GLS: variants seen among roughly 807,000 people sequenced by gnomAD.
GLS encodes the protein glutaminase, also known as glutaminase kidney isoform, mitochondrial.
A neutral mutation model predicts 86.7 loss-of-function variants in GLS; 36 were observed. That is an observed-to-expected ratio of 0.42 (90% CI 0.32 to 0.55). The LOEUF (loss-of-function observed/expected upper bound fraction) is 0.55. Ranked by LOEUF, GLS falls within the 20% of genes least tolerant of loss-of-function variation. The pLI, the probability that GLS is intolerant of heterozygous loss-of-function variation, is 0.17. For missense variants in GLS, 528 were observed against 833.4 expected (o/e 0.63, Z 4.51); for synonymous variants, 317 against 305.9 (o/e 1.04, Z -0.38).
In GLS at chr2:190,962,683, C is replaced by CA; in HGVS notation, c.1854-146dup. 1 of 433,834 alleles carries CA rather than the reference C, an allele frequency of 2.3e-6. No homozygotes were observed. The highest frequency in any genetic ancestry group is 4.0e-6 in the Non-Finnish European group (1 of 249,624). The allele number at this position is 433,834 out of a possible 1,614,324, so 26.9% of individuals were successfully genotyped here. The stretch of plus-strand genomic sequence containing the variant: ...TTTTTGAATTATAAATCCCTTTCTG[C>CA]ATTTCTATTATTAATTTTTATTTGT... On this transcript the variant is annotated intron_variant, in intron 17 of 17. Transcript: ENST00000320717. The surrounding 1 kb of genome is among the most constrained non-coding windows in gnomAD (Gnocchi z 4.2).
chr2:190,887,768 GA>G (rs1688435828), intron 1 of GLS, among the ~76,000 whole-genome samples: 1 of 152,104 alleles, frequency 6.6e-6, no homozygotes, highest in Non-Finnish European at 1.5e-5. Context: ...GCATACTAGA[GA>G]AAAATGGAGA....
At chr2:190,933,925 TA>T (rs1690189714) in intron 14 of GLS, 1 of 918,224 alleles carries the variant, frequency 1.1e-6, no homozygotes, top group Non-Finnish European at 1.3e-6. Flanking sequence ...TTATTTGGTA[TA>T]AAAATGCAAT....
In GLS at chr2:190,955,167, C is replaced by T. The variant is rs1438447261; in HGVS notation, c.1853+349C>T. On this transcript the variant is annotated intron_variant, in intron 17 of 17. Transcript: ENST00000320717. The surrounding 1 kb of genome is among the most constrained non-coding windows in gnomAD (Gnocchi z 5.6). ...AAATTACACTTTAAGTTCTGGGATACATGTGCAGAACATGCAGGTTTGTTA... is the reference window on the plus strand; with the variant it reads ...AAATTACACTTTAAGTTCTGGGATATATGTGCAGAACATGCAGGTTTGTTA... Among the ~76,000 whole-genome samples, 1 of 152,078 alleles carries T rather than the reference C, an allele frequency of 6.6e-6. No individual in the cohort carries two copies. Among genetic ancestry groups the T allele is most frequent in the Non-Finnish European group, 1.5e-5 (1 of 68,014 alleles).
chr2:190,925,794 T>C (rs1453600581), intron 11 of GLS, among the ~76,000 whole-genome samples: 1 of 152,218 alleles, frequency 6.6e-6, no homozygotes, highest in Non-Finnish European at 1.5e-5. Context: ...ATTTAAGGTC[T>C]AGCCTGGCCA....
chr2:190,942,295 T>A (rs1349511077), intron 14 of GLS, among the ~76,000 whole-genome samples: 1 of 151,906 alleles, frequency 6.6e-6, no homozygotes, highest in African/African-American at 2.4e-5. Flanking sequence ...TTAGCCAAGA[T>A]GGTCTCGATC....
At chr2:190,916,199 A>T (rs1197226501) in intron 7 of GLS, among the ~76,000 whole-genome samples, 1 of 152,226 alleles carries the variant, frequency 6.6e-6, no homozygotes, top group Non-Finnish European at 1.5e-5. Flanking sequence ...ACAAATTAGT[A>T]TGGGAAATTA....
In GLS at chr2:190,960,087, C is replaced by G. The variant is rs188370260; in HGVS notation, c.1854-2743C>G. ...TTCATCCTGCAACAAATGATGTCAA[C>G]AAAGTGGTCAGGGAAGGGATAAGAA... On this transcript the variant is annotated intron_variant, in intron 17 of 17. Coordinates refer to ENST00000320717, the MANE Select transcript of GLS (RefSeq NM_014905.5). Among the ~76,000 whole-genome samples the G allele has an allele frequency of 1.3e-3, 203 of 152,156 alleles. 2 individuals carry two copies. The highest frequency in any genetic ancestry group is 4.4e-3 in the African/African-American group (182 of 41,466).
In GLS at chr2:190,949,747, A is replaced by G. The variant is rs1452356496; in HGVS notation, c.1651-3818A>G. On this transcript the variant is annotated intron_variant, in intron 14 of 17. Coordinates refer to ENST00000320717, the MANE Select transcript of GLS (RefSeq NM_014905.5). This position sits in a 1 kb window ranked among gnomAD's most constrained non-coding sequence, Gnocchi z 4.0. Reference sequence around the variant, plus strand: ...ATAGAGGAATTAATTTTGCAATTTAATACCCAAAATTGAATATTTGATGCC... The same window carrying G: ...ATAGAGGAATTAATTTTGCAATTTAGTACCCAAAATTGAATATTTGATGCC... 6.6e-6 allele frequency among the ~76,000 whole-genome samples: 1 copy of G among 152,048 alleles called. No homozygotes were observed. Among genetic ancestry groups the G allele is most frequent in the Non-Finnish European group, 1.5e-5 (1 of 67,980 alleles).
intron 14 of GLS, among the ~76,000 whole-genome samples, chr2:190,942,067 C>CTT (rs3036653): frequency 0.016 from 614 of 37,982 alleles, 191 homozygotes; most frequent in Middle Eastern, 0.088. Context: ...ACTTTGAAGA[C>CTT]TTTTTTTTTT....
chr2:190,885,993 C>T (rs1688367493), intron 1 of GLS, among the ~76,000 whole-genome samples: 1 of 151,918 alleles, frequency 6.6e-6, no homozygotes, highest in South Asian at 2.1e-4. Context: ...CTGCCTCAGC[C>T]CCCCATGTAG....
chr2:190,941,993 C>G (rs984212169), intron 14 of GLS, among the ~76,000 whole-genome samples: 1 of 143,468 alleles, frequency 7.0e-6, no homozygotes, highest in Non-Finnish European at 1.5e-5. Context: ...GTTTGGGAGA[C>G]ATTTCTGAAA....
chr2:190,915,375 A>C (rs987250505), intron 7 of GLS, among the ~76,000 whole-genome samples: 2 of 152,126 alleles, frequency 1.3e-5, no homozygotes, highest in Non-Finnish European at 2.9e-5. Context: ...TTTTTTAAAA[A>C]TCATTTGGTG....
Position 190,930,353 on chromosome 2 carries a change from C to CA in GLS, c.1426-83dup. 1 of 1,033,704 alleles carries CA rather than the reference C, an allele frequency of 9.7e-7. No individual in the cohort carries two copies. The highest frequency in any genetic ancestry group is 1.5e-6 in the Non-Finnish European group (1 of 669,554). 64.0% of individuals were successfully genotyped at this position (1,033,704 alleles called of 1,614,324 possible). On this transcript the variant is annotated intron_variant, in intron 12 of 17. Coordinates refer to ENST00000320717, the MANE Select transcript of GLS (RefSeq NM_014905.5). This position sits in a 1 kb window ranked among gnomAD's most constrained non-coding sequence, Gnocchi z 5.0. ...GATTACAGGAGTGAGCCATGGTGCC[C>CA]AGCCCCAGTTTCCCTATTGTTGAAC...
chr2:190,898,508 A>G (rs897447370), intron 3 of GLS, among the ~76,000 whole-genome samples: 2 of 152,228 alleles, frequency 1.3e-5, no homozygotes, highest in East Asian at 3.8e-4. Flanking sequence ...CTCTCCTGAG[A>G]GGCAAAATTG....
At chr2:190,925,181 G>A (rs17748089) in intron 11 of GLS, among the ~76,000 whole-genome samples, 7,241 of 152,122 alleles carry the variant, frequency 0.048, 260 homozygotes, top group Non-Finnish European at 0.078. Flanking sequence ...TAAATTTTTC[G>A]TAGCTTTTAC....
chr2:190,895,423 A>G lies in GLS; in HGVS notation c.483+175A>G, dbSNP rs1688698785. 1.8e-6 allele frequency: 1 copy of G among 555,070 alleles called. No individual in the cohort carries two copies. The highest frequency in any genetic ancestry group is 3.1e-6 in the Non-Finnish European group (1 of 317,756). The allele number at this position is 555,070 out of a possible 1,614,324, so 34.4% of individuals were successfully genotyped here. ...CTCATTTCAAGGTAATCAGTGAAAG[A>G]AAAAGAAAGAAACAATGAGAAACTT... On this transcript the variant is annotated intron_variant, in intron 2 of 17. Transcript: ENST00000320717. The surrounding 1 kb of genome is among the most constrained non-coding windows in gnomAD (Gnocchi z 4.2).
In GLS at chr2:190,881,438, C is replaced by G; in HGVS notation, c.354C>G (p.Ser118Arg). 1 of 1,545,616 alleles carries G rather than the reference C, an allele frequency of 6.5e-7. No homozygotes were observed. The highest frequency in any genetic ancestry group is 1.2e-5 in the South Asian group (1 of 83,922). Residue 118 changes from serine to arginine, a missense_variant, in exon 1 of 18, where the codon AGC becomes AGG. Physicochemically the swap from Ser to Arg is moderately radical, Grantham distance 110 (BLOSUM62 -1). Around this residue, in one of 4 missense-constraint regions of GLS, gnomAD observed 224 missense variants for 187.9 expected, o/e 1.19. Transcript: ENST00000320717. ...GGGAGACGGACGCGTTTGGCAACAG[C>G]GAGGGCAAAGAGCTGGTGGCCTCAG... Reference protein sequence around the residue: ...GPGETDAFGNSEGKELVASGE... With the variant: ...GPGETDAFGNREGKELVASGE...
chr2:190,936,237 A>T (rs1255836061), intron 14 of GLS, among the ~76,000 whole-genome samples: 1 of 151,164 alleles, frequency 6.6e-6, no homozygotes, highest in Non-Finnish European at 1.5e-5. Flanking sequence ...CTGACAGTGT[A>T]TATTTAATAG....
chr2:190,932,071 A>G (rs1384934512), intron 14 of GLS, among the ~76,000 whole-genome samples: 1 of 151,324 alleles, frequency 6.6e-6, no homozygotes, highest in Admixed American at 6.6e-5. Context: ...GTGTAGATGG[A>G]TATGTAAATG....
Sources: allele counts gnomAD v4.1 joint callset (sites outside exome capture counted in the v4.1 genomes callset), GRCh38; gene constraint gnomAD v4.1.1; regional missense constraint gnomAD v4.1.1; non-coding constraint Gnocchi (gnomAD v3.1); transcripts MANE v1.5; gene names NCBI Gene and HGNC (gene_info 2026-07-23, HGNC 2026-07-21).